The following PADI3 variants were observed in gnomAD, a reference collection of about 807,000 sequenced individuals.
PADI3 encodes the protein peptidyl arginine deiminase 3.
Under a neutral mutation model 71.5 loss-of-function variants are expected in PADI3, and 53 were observed. The observed-to-expected ratio is 0.74, with a 90% CI of 0.59 to 0.93. PADI3 has a LOEUF of 0.93. Ranked by LOEUF, PADI3 falls within the 40% of genes least tolerant of loss-of-function variation. PADI3 has a pLI of 0.00. For synonymous variants in PADI3, 361 were observed against 347.5 expected, an observed-to-expected ratio of 1.04 and a Z score of -0.43; for missense variants, 821 against 868.0, an observed-to-expected ratio of 0.95 and a Z score of 0.68.
intron 1 of PADI3, among the ~76,000 whole-genome samples, chr1:17,254,039 T>TG (rs979085196): frequency 1.1e-4 from 16 of 152,092 alleles, no homozygotes; most frequent in African/African-American, 3.6e-4. Flanking sequence ...GCTGGGCCCT[T>TG]GGGGGGATTG....
intron 3 of PADI3, among the ~76,000 whole-genome samples, chr1:17,264,206 T>C (rs954892184): frequency 3.3e-5 from 5 of 152,162 alleles, no homozygotes; most frequent in African/African-American, 1.2e-4. Context: ...TTTCTTTAGT[T>C]AGGAGTGAGG....
chr1:17,258,242 C>G (rs1219779674), intron 1 of PADI3, among the ~76,000 whole-genome samples: 1 of 152,204 alleles, frequency 6.6e-6, no homozygotes, highest in Non-Finnish European at 1.5e-5. Flanking sequence ...CTCGCAGTGG[C>G]CTCTCCCTAC....
intron 1 of PADI3, among the ~76,000 whole-genome samples, chr1:17,252,397 C>CTT (rs1448917763): frequency 0.034 from 2,099 of 62,250 alleles, 74 homozygotes; most frequent in African/African-American, 0.077. Flanking sequence ...TTCTTTTCTT[C>CTT]TTCTTTTTTT....
intron 2 of PADI3, 108 bp downstream of exon 2, chr1:17,259,866 TA>T: frequency 1.1e-6 from 1 of 933,612 alleles, no homozygotes; most frequent in South Asian, 1.9e-5. Flanking sequence ...ACACAGTGGG[TA>T]AGTGCCTGGC....
At chr1:17,278,421 G>T (rs1488137588) in intron 13 of PADI3, among the ~76,000 whole-genome samples, 1 of 152,134 alleles carries the variant, frequency 6.6e-6, no homozygotes, top group Non-Finnish European at 1.5e-5. Context: ...TAGAGATGGA[G>T]TCTCACCGTG....
In PADI3 at chr1:17,249,113, G is replaced by A. The variant is rs745329277; in HGVS notation, c.-25G>A. On this transcript the variant is annotated 5_prime_UTR_variant, in exon 1 of 16. Transcript: ENST00000375460. Reference sequence around the variant, plus strand: ...CCTCAGGGGCAGTGTTGGGGTTGGCGGCCACAGCTAAGTCCAACACCAGCA... The same window carrying A: ...CCTCAGGGGCAGTGTTGGGGTTGGCAGCCACAGCTAAGTCCAACACCAGCA... 27 of 1,603,920 alleles carry A rather than the reference G, an allele frequency of 1.7e-5. No homozygotes were observed. Among genetic ancestry groups the A allele is most frequent in the Non-Finnish European group, 2.2e-5 (26 of 1,170,884 alleles).
At chr1:17,281,443 TTTTTTTC>T (rs1431233860) in intron 15 of PADI3, among the ~76,000 whole-genome samples, 3,918 of 23,698 alleles carry the variant, frequency 0.17, 79 homozygotes, top group Non-Finnish European at 0.28. Flanking sequence ...TCTTTTTTTC[TTTTTTTC>T]TTTTTTTTTT....
chr1:17,254,352 G>A (rs974591886), intron 1 of PADI3, among the ~76,000 whole-genome samples: 3 of 152,120 alleles, frequency 2.0e-5, no homozygotes, highest in Non-Finnish European at 4.4e-5. Context: ...TCAGCCATGG[G>A]GAACTTTCCC....
chr1:17,261,682 G>T (rs1557501667), intron 2 of PADI3, among the ~76,000 whole-genome samples: 1 of 152,238 alleles, frequency 6.6e-6, no homozygotes, highest in Admixed American at 6.5e-5. Context: ...TTCCCATTTT[G>T]CAGAGGAGAA....
intron 1 of PADI3, among the ~76,000 whole-genome samples, chr1:17,254,633 CT>C (rs1326568148): frequency 6.6e-6 from 1 of 152,076 alleles, no homozygotes; most frequent in Non-Finnish European, 1.5e-5. Flanking sequence ...CGTCTTCCTC[CT>C]CACCATTGAA....
chr1:17,268,074 G>C lies in PADI3; in HGVS notation c.652+112G>C. 3 of 1,288,730 alleles carry C rather than the reference G, an allele frequency of 2.3e-6. No homozygotes were observed. The South Asian group carries it at 3.9e-5, about 17-fold the overall frequency. 79.8% of individuals were successfully genotyped at this position (1,288,730 alleles called of 1,614,324 possible). ...GGCAGGTCCTGCTTACACTCCGGGA[G>C]ATGCCCTGGTGGGTGGCGGGTCGCA... On this transcript the variant is annotated intron_variant, in intron 6 of 15. Transcript: ENST00000375460.
chr1:17,276,105 C>T (rs898004098), intron 11 of PADI3, among the ~76,000 whole-genome samples: 8 of 152,104 alleles, frequency 5.3e-5, no homozygotes, highest in African/African-American at 9.7e-5. Context: ...GAGGCTGAGG[C>T]GGGCAGATCA....
intron 2 of PADI3, among the ~76,000 whole-genome samples, chr1:17,260,106 G>A (rs1324952274): frequency 2.6e-5 from 4 of 152,166 alleles, no homozygotes; most frequent in Non-Finnish European, 5.9e-5. Flanking sequence ...CAGTTCTGCT[G>A]AGTTGGGTCT....
rs1488796727 is a variant in PADI3 at position 17,267,975 on chromosome 1, C to T, written c.652+13C>T. ...TTCCACATCTGCGGTGAGTTTGTGC[C>T]ACTGCCCCTTGCCATCTGTGCCCTG... On this transcript the variant is annotated intron_variant, in intron 6 of 15. Coordinates refer to ENST00000375460, the MANE Select transcript of PADI3 (RefSeq NM_016233.2). 3.7e-6 allele frequency: 6 copies of T among 1,613,754 alleles called. No individual in the cohort carries two copies. The South Asian group carries it at 6.6e-5, about 18-fold the overall frequency.
chr1:17,257,900 G>C (rs1458291681), intron 1 of PADI3, among the ~76,000 whole-genome samples: 1 of 152,162 alleles, frequency 6.6e-6, no homozygotes, highest in Non-Finnish European at 1.5e-5. Flanking sequence ...AAAAGGCTTA[G>C]GCAGGCCTGC....
chr1:17,257,736 T>C (rs1429788462), intron 1 of PADI3, among the ~76,000 whole-genome samples: 1 of 152,200 alleles, frequency 6.6e-6, no homozygotes, highest in African/African-American at 2.4e-5. Flanking sequence ...GAGGTCTGCC[T>C]TACTCTGAGG....
chr1:17,255,371 G>A (rs1265236257), intron 1 of PADI3, among the ~76,000 whole-genome samples: 2 of 152,204 alleles, frequency 1.3e-5, no homozygotes, highest in African/African-American at 4.8e-5. Flanking sequence ...GTGTGGGGCT[G>A]GGAGAGCCCT....
At chr1:17,272,128 C>T (rs764971226) in intron 9 of PADI3, among the ~76,000 whole-genome samples, 7 of 152,192 alleles carry the variant, frequency 4.6e-5, no homozygotes, top group African/African-American at 1.7e-4. Context: ...CTTAGGGGAG[C>T]ATGACTGGGC....
At position 17,283,070 on chromosome 1, in the gene PADI3, G is replaced by A; in HGVS notation, c.1986G>A (p.Met662Ile). 1 of 1,613,672 alleles carries A rather than the reference G, an allele frequency of 6.2e-7. No individual in the cohort carries two copies. Among genetic ancestry groups the A allele is most frequent in the South Asian group, 1.1e-5 (1 of 91,080 alleles). Reference sequence around the variant, plus strand: ...CCTTCTCTTTCAAGTGGTGGAACATGGTGCCCTGAGACAGCTCCCACCCAC... The same window carrying A: ...CCTTCTCTTTCAAGTGGTGGAACATAGTGCCCTGAGACAGCTCCCACCCAC... ...RKPFSFKWWN[M>I]VP The change falls in exon 16 of 16, where the codon ATG (methionine) becomes ATA (isoleucine). Residue 662 changes from methionine to isoleucine, a missense_variant. Physicochemically the swap from Met to Ile is conservative, Grantham distance 10 (BLOSUM62 1). Coordinates refer to ENST00000375460, the MANE Select transcript of PADI3 (RefSeq NM_016233.2).
Sources: allele counts gnomAD v4.1 joint callset (sites outside exome capture counted in the v4.1 genomes callset), GRCh38; gene constraint gnomAD v4.1.1; transcripts MANE v1.5; gene names NCBI Gene and HGNC (gene_info 2026-07-23, HGNC 2026-07-21).